Variants in CFAP47 observed in about 807,000 individuals in gnomAD.
CFAP47 encodes cilia and flagella associated protein 47.
Under a neutral mutation model 148.1 loss-of-function variants are expected in CFAP47, and 29 were observed. The observed-to-expected ratio is 0.20, with a 90% confidence interval of 0.15 to 0.27. CFAP47 has a LOEUF of 0.27. Among genes scored for constraint, CFAP47 ranks in the 10% least tolerant of loss-of-function variants. The probability of loss-of-function intolerance (pLI) is 1.00; values close to 1 mark genes in which losing one functional copy is unlikely to be tolerated. For missense variants in CFAP47, 1,872 were observed against 1,697.5 expected, an observed-to-expected ratio of 1.10 and a Z score of -1.81; for synonymous variants, 664 against 577.3, an observed-to-expected ratio of 1.15 and a Z score of -2.15.
intron 1 of CFAP47, among the ~76,000 whole-genome samples, chrX:35,921,585 TTTTA>T (rs1373304655): frequency 8.0e-5 from 9 of 111,917 alleles, no homozygotes; most frequent in Admixed American, 1.9e-4. Flanking sequence ...TTATAATTGG[TTTTA>T]TTTCAGTTTA....
intron 31 of CFAP47, among the ~76,000 whole-genome samples, chrX:36,099,431 C>G (rs1300626811): frequency 9.2e-6 from 1 of 108,322 alleles, no homozygotes. Context: ...TTCTTTGGCA[C>G]TATGCTGAGG....
chrX:36,250,237 CA>C (rs2055560736), intron 48 of CFAP47, among the ~76,000 whole-genome samples: 1 of 111,196 alleles, frequency 9.0e-6, no homozygotes, highest in South Asian at 3.7e-4. Context: ...AGTCTTAAAA[CA>C]GAAGGAAATC....
intron 22 of CFAP47, among the ~76,000 whole-genome samples, chrX:36,020,253 C>T (rs1450605773): frequency 8.9e-6 from 1 of 111,916 alleles, no homozygotes; most frequent in Non-Finnish European, 1.9e-5. Context: ...TGGGACCTGA[C>T]GTATGATTCT....
intron 45 of CFAP47, chrX:36,211,624 CA>C (rs61471021): frequency 0.29 from 54,264 of 189,417 alleles, 8,224 homozygotes; most frequent in African/African-American, 0.7. Flanking sequence ...CCTGATGCAG[CA>C]AAAAAAAGGG....
chrX:36,208,729 G>A (rs1940067046), intron 45 of CFAP47, among the ~76,000 whole-genome samples: 1 of 111,604 alleles, frequency 9.0e-6, no homozygotes, highest in Non-Finnish European at 1.9e-5. Context: ...ACTTTGGGAG[G>A]CCGAGATGGG....
chrX:35,966,203 A>ATATTAGCTGCTAATATTTAAGAG (rs1936399449), intron 8 of CFAP47, among the ~76,000 whole-genome samples: 6 of 91,829 alleles, frequency 6.5e-5, no homozygotes, highest in African/African-American at 2.5e-4. Flanking sequence ...ATATTTAAGA[A>ATATTAGCTGCTAATATTTAAGAG]ATATTAGCTG....
chrX:36,364,805 T>C (rs782136445), intron 61 of CFAP47, among the ~76,000 whole-genome samples: 9 of 105,726 alleles, frequency 8.5e-5, no homozygotes, highest in African/African-American at 2.7e-4. Context: ...AGAATAAATA[T>C]TTGGAGAACT....
At chrX:35,963,569 G>GT (rs1190112986) in intron 8 of CFAP47, among the ~76,000 whole-genome samples, 1 of 110,597 alleles carries the variant, frequency 9.0e-6, no homozygotes, top group Admixed American at 9.6e-5. Flanking sequence ...TATATGTAAT[G>GT]TAACTACTAG....
chrX:36,253,277 G>A (rs1221870833), intron 49 of CFAP47, among the ~76,000 whole-genome samples: 8 of 111,521 alleles, frequency 7.2e-5, no homozygotes, highest in Admixed American at 2.9e-4. Flanking sequence ...TTTACAAGAC[G>A]TGATCATGTT....
intron 21 of CFAP47, among the ~76,000 whole-genome samples, chrX:36,010,495 T>C (rs1419550865): frequency 9.3e-6 from 1 of 107,337 alleles, no homozygotes; most frequent in Non-Finnish European, 1.9e-5. Context: ...TCTCGCTCTG[T>C]TGCCCAGGCT....
chrX:35,982,043 T>G (rs780763520), intron 15 of CFAP47, among the ~76,000 whole-genome samples: 51 of 112,140 alleles, frequency 4.5e-4, no homozygotes, highest in African/African-American at 1.6e-3. Context: ...ATAATGGGAT[T>G]GCTGGGTCAA....
chrX:36,312,581 G>A (rs781894670), intron 56 of CFAP47, among the ~76,000 whole-genome samples: 1 of 111,296 alleles, frequency 9.0e-6, no homozygotes, highest in South Asian at 3.8e-4. Flanking sequence ...TTTCAGGATA[G>A]GTGCAGCCAA....
intron 25 of CFAP47, among the ~76,000 whole-genome samples, chrX:36,045,636 T>C (rs1937456167): frequency 8.9e-6 from 1 of 112,247 alleles, no homozygotes; most frequent in South Asian, 3.6e-4. Context: ...ATCAAAACTT[T>C]GGGATTTGCA....
At position 36,085,351 on chromosome X, in the gene CFAP47, C is replaced by T; in HGVS notation, c.4729C>T (p.Pro1577Ser). The change falls in exon 30 of 64, where the codon CCA becomes TCA. Residue 1577 changes from proline to serine, a missense_variant. By Grantham distance (74) the Pro-to-Ser change is moderately conservative. Coordinates refer to ENST00000378653, the MANE Select transcript of CFAP47 (RefSeq NM_001304548.2). The part of the protein sequence containing the change: ...YKMQFYSSTS[P>S]PQKFSRQNDF... ...AATGCAATTCTACTCATCAACCTCGCCACCCCAAAAGTTTTCCAGACAGAA... is the reference window on the plus strand; with the variant it reads ...AATGCAATTCTACTCATCAACCTCGTCACCCCAAAAGTTTTCCAGACAGAA... 8.3e-7 allele frequency: 1 copy of T among 1,205,080 alleles called. No individual in the cohort carries two copies. The highest frequency in any genetic ancestry group is 1.1e-6 in the Non-Finnish European group (1 of 890,739).
chrX:36,118,540 G>T (rs1938682719), intron 33 of CFAP47, among the ~76,000 whole-genome samples: 1 of 110,796 alleles, frequency 9.0e-6, no homozygotes, highest in African/African-American at 3.3e-5. Flanking sequence ...CGTGATCTTG[G>T]TTCACTGCAA....
At chrX:36,222,528 A>C (rs896453591) in intron 45 of CFAP47, among the ~76,000 whole-genome samples, 1 of 110,381 alleles carries the variant, frequency 9.1e-6, no homozygotes. Context: ...ATTATTTTAA[A>C]TTATTTTATT....
At chrX:36,003,598 T>C (rs1324257202) in intron 21 of CFAP47, among the ~76,000 whole-genome samples, 1 of 110,277 alleles carries the variant, frequency 9.1e-6, no homozygotes. Flanking sequence ...ATATTAATTT[T>C]AAACTAGGTA....
At chrX:36,072,409 T>C (rs1279395908) in intron 28 of CFAP47, among the ~76,000 whole-genome samples, 17 of 112,198 alleles carry the variant, frequency 1.5e-4, no homozygotes, top group Non-Finnish European at 5.6e-5. Context: ...TAAGGACTTG[T>C]CTCTTCGTTG....
intron 22 of CFAP47, among the ~76,000 whole-genome samples, chrX:36,027,142 TTATA>T (rs763903284): frequency 9.6e-6 from 1 of 103,643 alleles, no homozygotes; most frequent in Non-Finnish European, 2.0e-5. Flanking sequence ...ATATATATGA[TTATA>T]TATATGATTA....
Sources: gnomAD v4.1 joint callset for allele counts (sites outside exome capture counted in the v4.1 genomes callset) on GRCh38, gnomAD v4.1.1 for gene constraint, MANE v1.5 for transcripts, NCBI Gene and HGNC (gene_info 2026-07-23, HGNC 2026-07-21) for gene names.